Variants in USH2A observed in about 807,000 individuals in gnomAD.
USH2A encodes usherin.
A neutral mutation model predicts 538.9 loss-of-function variants in USH2A; 443 were observed. The ratio of observed to expected loss-of-function variants is 0.82; its 90% CI spans 0.76 to 0.89. USH2A has a LOEUF of 0.89. Among genes scored for constraint, USH2A ranks in the 40% least tolerant of loss-of-function variants. The pLI, the probability that USH2A is intolerant of heterozygous loss-of-function variation, is 0.00. For synonymous variants in USH2A, 2,413 were observed against 2,273.5 expected (o/e 1.06, Z -1.75); for missense variants, 6,633 against 6,324.8 (o/e 1.05, Z -1.65).
At chr1:215,755,342 G>A (rs962041110) in intron 58 of USH2A, among the ~76,000 whole-genome samples, 2 of 152,172 alleles carry the variant, frequency 1.3e-5, no homozygotes, top group Non-Finnish European at 2.9e-5. Flanking sequence ...ATGGCAGGGA[G>A]TATGATGAAT....
rs577980929 is a variant in USH2A, at chr1:216,194,364, G to A, written c.4251+2189C>T. 2.0e-5 allele frequency: 3 copies of A among 152,120 alleles called. No homozygotes were observed. The East Asian group carries it at 5.8e-4, about 30-fold the overall frequency. The allele number at this position is 152,120 out of a possible 1,614,324, so 9.4% of individuals were successfully genotyped here. ...ATTAGTAATTACAAGGACTACTCTG[G>A]GGAAACTAGTAATTATAAGGACAAT... On this transcript the variant is annotated intron_variant, in intron 19 of 71. Transcript: ENST00000307340.
At chr1:216,119,613 A>T (rs753347819) in intron 21 of USH2A, among the ~76,000 whole-genome samples, 4 of 152,140 alleles carry the variant, frequency 2.6e-5, no homozygotes, top group Non-Finnish European at 4.4e-5. Context: ...GAAATATCCC[A>T]TATAAATATA....
At chr1:215,862,751 T>C (rs532156107) in intron 44 of USH2A, among the ~76,000 whole-genome samples, 17 of 152,324 alleles carry the variant, frequency 1.1e-4, no homozygotes, top group African/African-American at 3.8e-4. Flanking sequence ...ATATATTATT[T>C]CATTTAGTCC....
chr1:215,887,531 C>A (rs1171426992), intron 41 of USH2A, among the ~76,000 whole-genome samples: 1 of 152,116 alleles, frequency 6.6e-6, no homozygotes, highest in East Asian at 1.9e-4. Flanking sequence ...ATATTTATAT[C>A]AAAAATGTGT....
intron 21 of USH2A, among the ~76,000 whole-genome samples, chr1:216,120,067 T>A (rs76962969): frequency 3.9e-5 from 6 of 152,192 alleles, no homozygotes; most frequent in African/African-American, 1.4e-4. Flanking sequence ...AAAAAGCAGA[T>A]ACATATTTTT....
chr1:215,673,153 T>C (rs1025726773), intron 63 of USH2A, among the ~76,000 whole-genome samples: 2 of 152,166 alleles, frequency 1.3e-5, no homozygotes, highest in Non-Finnish European at 2.9e-5. Flanking sequence ...GAAGTTTTAA[T>C]TACTGTTTAA....
intron 55 of USH2A, among the ~76,000 whole-genome samples, chr1:215,777,695 C>A (rs1433674040): frequency 1.3e-5 from 2 of 152,138 alleles, no homozygotes; most frequent in Non-Finnish European, 2.9e-5. Context: ...TATTTTAGAC[C>A]ACTTAGTGTA....
Position 216,217,246 on chromosome 1 carries a change from AT to A in USH2A, c.3157+140del, listed in dbSNP as rs967683453. 1.7e-4 allele frequency: 169 copies of A among 982,554 alleles called. 1 individual carries two copies. In the African/African-American group the frequency reaches 2.2e-3, roughly 13 times the overall value. 60.9% of individuals were successfully genotyped at this position (982,554 alleles called of 1,614,324 possible). ...AAAGCAGACATATTTCATTCAGTGT[AT>A]TTTTTTCCATCTCTTACCTACGTTC... is the stretch of plus-strand genomic sequence containing the variant. On this transcript the variant is annotated intron_variant, in intron 15 of 71. Transcript: ENST00000307340.
At chr1:215,921,718 G>A (rs1001981175) in intron 38 of USH2A, among the ~76,000 whole-genome samples, 11 of 152,048 alleles carry the variant, frequency 7.2e-5, no homozygotes, top group African/African-American at 2.7e-4. Flanking sequence ...TTTAAATACA[G>A]TGTCTGCCTT....
At chr1:216,203,572 T>G in intron 16 of USH2A, among the ~76,000 whole-genome samples, 1 of 152,154 alleles carries the variant, frequency 6.6e-6, no homozygotes, top group East Asian at 1.9e-4. Flanking sequence ...ATAAAAACAG[T>G]TGCCTGTCAT....
intron 57 of USH2A, 108 bp downstream of exon 57, chr1:215,759,552 A>T (rs1051143873): frequency 2.2e-6 from 3 of 1,349,166 alleles, no homozygotes; most frequent in Non-Finnish European, 2.1e-6. Context: ...ATGAATGAGG[A>T]AGTTAATTAA....
chr1:216,106,327 ATATATG>A (rs1246245970), intron 21 of USH2A, among the ~76,000 whole-genome samples: 3 of 144,350 alleles, frequency 2.1e-5, no homozygotes, highest in Non-Finnish European at 4.5e-5. Context: ...CTATATATAT[ATATATG>A]TATATGTATT....
chr1:215,755,355 C>T (rs947152102), intron 58 of USH2A, among the ~76,000 whole-genome samples: 1 of 152,078 alleles, frequency 6.6e-6, no homozygotes, highest in African/African-American at 2.4e-5. Context: ...TGATGAATAC[C>T]TAGAAAACTC....
intron 69 of USH2A, among the ~76,000 whole-genome samples, chr1:215,636,810 T>C (rs938157433): frequency 2.0e-5 from 3 of 152,052 alleles, no homozygotes; most frequent in Non-Finnish European, 4.4e-5. Flanking sequence ...GAACTGACGA[T>C]GGATATTAGT....
At chr1:216,381,731 G>A (rs1317601159) in intron 3 of USH2A, among the ~76,000 whole-genome samples, 1 of 151,962 alleles carries the variant, frequency 6.6e-6, no homozygotes, top group Non-Finnish European at 1.5e-5. Flanking sequence ...TCCTTTTTCA[G>A]TTTTCTCCTG....
chr1:215,762,706 C>T (rs1661014197), intron 56 of USH2A, among the ~76,000 whole-genome samples: 1 of 152,018 alleles, frequency 6.6e-6, no homozygotes. Flanking sequence ...TCCCCTTCAC[C>T]ATGTAACTCT....
chr1:216,270,710 A>AT (rs11351472), intron 11 of USH2A, among the ~76,000 whole-genome samples: 23 of 148,390 alleles, frequency 1.5e-4, no homozygotes, highest in African/African-American at 3.9e-4. Flanking sequence ...ATTCATTCCA[A>AT]TTTTTTTTTT....
chr1:216,110,864 C>T (rs1325234134), intron 21 of USH2A, among the ~76,000 whole-genome samples: 1 of 152,140 alleles, frequency 6.6e-6, no homozygotes, highest in African/African-American at 2.4e-5. Context: ...AAATTGCAGT[C>T]GAAGAGAAAG....
chr1:216,312,397 CTCT>C (rs141331350), intron 9 of USH2A, among the ~76,000 whole-genome samples: 24 of 151,920 alleles, frequency 1.6e-4, no homozygotes, highest in East Asian at 1.2e-3. Context: ...CTGTTCCTTT[CTCT>C]TCTTCTTCTT....
Sources: gnomAD v4.1 joint callset for allele counts (sites outside exome capture counted in the v4.1 genomes callset) on GRCh38, gnomAD v4.1.1 for gene constraint, MANE v1.5 for transcripts, NCBI Gene and HGNC (gene_info 2026-07-23, HGNC 2026-07-21) for gene names.